Variants in NEK11 observed in about 807,000 individuals in gnomAD.
NEK11 encodes serine/threonine-protein kinase Nek11.
Under a neutral mutation model 80.7 loss-of-function variants are expected in NEK11, and 72 were observed. The ratio of observed to expected loss-of-function variants is 0.89; its 90% CI spans 0.74 to 1.08. NEK11 has a LOEUF of 1.08. Among genes scored for constraint, NEK11 ranks in the 50% least tolerant of loss-of-function variants. The pLI is 0.00. For synonymous variants in NEK11, 251 were observed against 260.7 expected (o/e 0.96, Z 0.36); for missense variants, 764 against 763.6 (o/e 1.00, Z -0.01).
chr3:131,077,227 AG>A (rs1356834968), intron 3 of NEK11, among the ~76,000 whole-genome samples: 13 of 152,064 alleles, frequency 8.5e-5, no homozygotes, highest in Non-Finnish European at 1.5e-5. Context: ...GTTATTTAGG[AG>A]GGGTGACAGG....
At chr3:131,341,348 A>G (rs1417151212) in intron 17 of NEK11, among the ~76,000 whole-genome samples, 1 of 152,112 alleles carries the variant, frequency 6.6e-6, no homozygotes, top group Non-Finnish European at 1.5e-5. Context: ...TTTAATCTTT[A>G]TTTTTATTAC....
chr3:131,284,225 T>C (rs1026894355), intron 17 of NEK11, among the ~76,000 whole-genome samples: 1 of 152,244 alleles, frequency 6.6e-6, no homozygotes, highest in African/African-American at 2.4e-5. Context: ...GCTCCAGGAA[T>C]GACTTATCAT....
intron 15 of NEK11, among the ~76,000 whole-genome samples, chr3:131,230,665 C>T (rs557121093): frequency 6.6e-6 from 1 of 152,168 alleles, no homozygotes; most frequent in Non-Finnish European, 1.5e-5. Flanking sequence ...AGATGATAAA[C>T]ATAAGGGCAG....
At chr3:131,274,670 G>A (rs1182152919) in intron 17 of NEK11, among the ~76,000 whole-genome samples, 7 of 77,762 alleles carry the variant, frequency 9.0e-5, no homozygotes, top group East Asian at 8.6e-4. Context: ...TTTTTGAGAC[G>A]GAGTCTCGCT....
intron 14 of NEK11, among the ~76,000 whole-genome samples, chr3:131,201,847 T>C (rs2094242507): frequency 6.6e-6 from 1 of 152,158 alleles, no homozygotes; most frequent in South Asian, 2.1e-4. Flanking sequence ...TATTTTATTT[T>C]ATTTTGAGAC....
chr3:131,328,729 G>A (rs1200298943), intron 17 of NEK11: 1 of 152,212 alleles, frequency 6.6e-6, no homozygotes, highest in Non-Finnish European at 1.5e-5. Flanking sequence ...AAGATAAATT[G>A]CTTGTTTTTC....
At chr3:131,298,926 GT>G (rs201091833) in intron 17 of NEK11, among the ~76,000 whole-genome samples, 11,786 of 119,482 alleles carry the variant, frequency 0.099, 741 homozygotes, top group African/African-American at 0.21. Flanking sequence ...ATTCTCTTCT[GT>G]TTTTTTTTTT....
intron 3 of NEK11, among the ~76,000 whole-genome samples, chr3:131,064,566 C>T (rs942291815): frequency 3.9e-5 from 6 of 151,928 alleles, no homozygotes. Flanking sequence ...GGGGTTGAGA[C>T]CAACATATGA....
chr3:131,111,426 A>G (rs2080113024), intron 5 of NEK11, among the ~76,000 whole-genome samples: 1 of 152,194 alleles, frequency 6.6e-6, no homozygotes, highest in Non-Finnish European at 1.5e-5. Flanking sequence ...TTTTATGTAC[A>G]GAGAAATTAC....
intron 3 of NEK11, among the ~76,000 whole-genome samples, chr3:131,042,487 A>G (rs2066668345): frequency 1.3e-5 from 2 of 152,332 alleles, no homozygotes; most frequent in South Asian, 4.1e-4. Context: ...GTATAAACAA[A>G]GCTGCCAGGA....
chr3:131,031,924 T>C (rs1255958406), intron 3 of NEK11, among the ~76,000 whole-genome samples: 1 of 152,084 alleles, frequency 6.6e-6, no homozygotes, highest in Non-Finnish European at 1.5e-5. Flanking sequence ...AGATGTCTTT[T>C]GTTTGGCCTG....
chr3:131,037,365 C>A (rs2065812038), intron 3 of NEK11, among the ~76,000 whole-genome samples: 1 of 151,422 alleles, frequency 6.6e-6, no homozygotes, highest in African/African-American at 2.4e-5. Flanking sequence ...CTCACTGCAG[C>A]CTCCATCTCC....
chr3:131,219,353 T>C (rs1274796781), intron 14 of NEK11, among the ~76,000 whole-genome samples: 2 of 144,636 alleles, frequency 1.4e-5, no homozygotes, highest in African/African-American at 5.2e-5. Flanking sequence ...TGAGAACACA[T>C]GGACACAGGG....
At chr3:131,052,739 C>T (rs1018797434) in intron 3 of NEK11, among the ~76,000 whole-genome samples, 4 of 152,158 alleles carry the variant, frequency 2.6e-5, no homozygotes, top group African/African-American at 4.8e-5. Context: ...ACACTTGCAG[C>T]TATGAGTTTT....
Position 131,104,132 on chromosome 3 carries a change from G to A in NEK11, c.337-5671G>A, listed in dbSNP as rs114994129. On this transcript the variant is annotated intron_variant, in intron 4 of 17. Transcript: ENST00000383366. Reference sequence around the variant, plus strand: ...CTCTTCTCCATAGGATGGCTGTGGTGTGCTATAGGCCTGCAACAACAATCA... The same window carrying A: ...CTCTTCTCCATAGGATGGCTGTGGTATGCTATAGGCCTGCAACAACAATCA... Among the ~76,000 whole-genome samples, 356 of 152,296 alleles carry A rather than the reference G, an allele frequency of 2.3e-3. 2 individuals carry two copies. Among genetic ancestry groups the A allele is most frequent in the African/African-American group, 8.2e-3 (341 of 41,568 alleles).
intron 14 of NEK11, among the ~76,000 whole-genome samples, chr3:131,224,888 C>A (rs1256875599): frequency 1.3e-5 from 2 of 152,108 alleles, no homozygotes; most frequent in African/African-American, 4.8e-5. Flanking sequence ...TACAGCTGTA[C>A]AATGTGTTTG....
chr3:131,310,172 A>G (rs566504665), intron 17 of NEK11, among the ~76,000 whole-genome samples: 91 of 152,242 alleles, frequency 6.0e-4, no homozygotes, highest in Non-Finnish European at 1.3e-4. Context: ...GAGTGAATAG[A>G]TGAATGAATG....
chr3:131,120,645 A>G (rs2082205845), intron 5 of NEK11, among the ~76,000 whole-genome samples: 1 of 151,532 alleles, frequency 6.6e-6, no homozygotes. Context: ...GTTTTCACAT[A>G]CTCCTATATT....
chr3:131,319,742 C>T (rs1315746722), intron 17 of NEK11, among the ~76,000 whole-genome samples: 1 of 152,114 alleles, frequency 6.6e-6, no homozygotes, highest in Non-Finnish European at 1.5e-5. Flanking sequence ...AATAAATCTC[C>T]TTCAAGGACA....
Sources: allele counts gnomAD v4.1 joint callset (sites outside exome capture counted in the v4.1 genomes callset), GRCh38; gene constraint gnomAD v4.1.1; transcripts MANE v1.5; gene names NCBI Gene and HGNC (gene_info 2026-07-23, HGNC 2026-07-21).